Variants in SVEP1 observed in about 807,000 individuals in gnomAD.
SVEP1 encodes the protein sushi, von Willebrand factor type A, EGF and pentraxin domain-containing protein 1.
In SVEP1, 164 loss-of-function variants were observed where a neutral mutation model predicts 367.3. That is an observed-to-expected ratio of 0.45 (90% CI 0.39 to 0.51). The LOEUF (loss-of-function observed/expected upper bound fraction) is 0.51, where lower values mean the gene tolerates loss of function less well. Among genes scored for constraint, SVEP1 ranks in the 20% least tolerant of loss-of-function variants. The pLI is 0.00. For synonymous variants in SVEP1, 1,666 were observed against 1,611.6 expected (o/e 1.03, Z -0.81); for missense variants, 4,117 against 4,425.3 (o/e 0.93, Z 1.98).
At chr9:110,485,540 C>T (rs2118714198) in intron 9 of SVEP1, among the ~76,000 whole-genome samples, 1 of 152,170 alleles carries the variant, frequency 6.6e-6, no homozygotes, top group East Asian at 1.9e-4. Context: ...ACACATTTAC[C>T]TATGTAACAA....
At chr9:110,480,754 C>T (rs1423365421) in intron 12 of SVEP1, among the ~76,000 whole-genome samples, 1 of 151,932 alleles carries the variant, frequency 6.6e-6, no homozygotes, top group Non-Finnish European at 1.5e-5. Context: ...AACTTAGCCT[C>T]CTAAATAACT....
At chr9:110,519,874 T>A (rs1307050130) in intron 3 of SVEP1, among the ~76,000 whole-genome samples, 1 of 152,178 alleles carries the variant, frequency 6.6e-6, no homozygotes, top group Non-Finnish European at 1.5e-5. Flanking sequence ...GACTTTTTTT[T>A]TCTTTCACTA....
intron 40 of SVEP1, among the ~76,000 whole-genome samples, chr9:110,398,745 T>A (rs1456830354): frequency 6.6e-6 from 1 of 152,044 alleles, no homozygotes; most frequent in Admixed American, 6.6e-5. Context: ...CATGAAAAAA[T>A]GCTCATCATC....
intron 1 of SVEP1, among the ~76,000 whole-genome samples, chr9:110,561,135 C>G (rs1830421303): frequency 1.3e-5 from 2 of 152,248 alleles, no homozygotes; most frequent in South Asian, 4.1e-4. Context: ...TTTAGCTACA[C>G]CAATCCATTT....
At chr9:110,458,820 A>AGAAG in intron 19 of SVEP1, 132 bp downstream of exon 19, 2 of 1,147,890 alleles carry the variant, frequency 1.7e-6, no homozygotes, top group East Asian at 5.0e-5. Flanking sequence ...AAAATACCTC[A>AGAAG]GAAGGACAAT....
chr9:110,501,385 A>G (rs1829525977), intron 6 of SVEP1, among the ~76,000 whole-genome samples: 1 of 141,100 alleles, frequency 7.1e-6, no homozygotes, highest in Non-Finnish European at 1.6e-5. Flanking sequence ...TCTGTTTATC[A>G]TTGTATATAG....
chr9:110,567,082 A>G (rs899897673), intron 1 of SVEP1, among the ~76,000 whole-genome samples: 2 of 152,250 alleles, frequency 1.3e-5, no homozygotes, highest in Non-Finnish European at 2.9e-5. Flanking sequence ...CAACAGAAAC[A>G]TTCAGGAAAA....
intron 3 of SVEP1, among the ~76,000 whole-genome samples, chr9:110,534,973 G>A (rs923823758): frequency 4.6e-5 from 7 of 152,176 alleles, no homozygotes; most frequent in African/African-American, 1.7e-4. Context: ...TAGGCTGTCT[G>A]TTTAGTCTGT....
chr9:110,459,889 C>T (rs1433750137), intron 18 of SVEP1, among the ~76,000 whole-genome samples: 1 of 151,782 alleles, frequency 6.6e-6, no homozygotes, highest in Non-Finnish European at 1.5e-5. Context: ...TTTATTTCTC[C>T]TGAATAGTCT....
At chr9:110,543,017 C>T (rs555126916) in intron 3 of SVEP1, among the ~76,000 whole-genome samples, 3 of 150,388 alleles carry the variant, frequency 2.0e-5, no homozygotes, top group Admixed American at 6.6e-5. Flanking sequence ...AAGGGGCTCA[C>T]TGCTTCCAGA....
intron 18 of SVEP1, among the ~76,000 whole-genome samples, chr9:110,462,580 T>A (rs1828873366): frequency 1.3e-5 from 2 of 150,296 alleles, no homozygotes; most frequent in Admixed American, 6.7e-5. Flanking sequence ...CACACACACA[T>A]AAATACGCAA....
intron 1 of SVEP1, among the ~76,000 whole-genome samples, chr9:110,550,504 A>G (rs977872698): frequency 4.6e-5 from 7 of 151,238 alleles, no homozygotes; most frequent in Non-Finnish European, 1.0e-4. Context: ...CTATCTATCT[A>G]TCTATCTATC....
intron 36 of SVEP1, among the ~76,000 whole-genome samples, chr9:110,417,158 T>G (rs1828136964): frequency 6.6e-6 from 1 of 151,200 alleles, no homozygotes; most frequent in African/African-American, 2.4e-5. Flanking sequence ...GCTCCCAGCG[T>G]GAGCGACGCA....
intron 3 of SVEP1, among the ~76,000 whole-genome samples, chr9:110,529,179 T>C (rs1248258799): frequency 6.6e-6 from 1 of 152,046 alleles, no homozygotes; most frequent in Non-Finnish European, 1.5e-5. Flanking sequence ...TGAACATCAG[T>C]TGGTTGTATT....
intron 6 of SVEP1, among the ~76,000 whole-genome samples, chr9:110,500,297 A>G (rs1451022472): frequency 6.6e-6 from 1 of 152,208 alleles, no homozygotes. Context: ...TTGTGGTTCG[A>G]CGATAATGAC....
intron 3 of SVEP1, among the ~76,000 whole-genome samples, chr9:110,541,850 T>TAG (rs1446110274): frequency 1.0e-4 from 14 of 139,822 alleles, no homozygotes; most frequent in African/African-American, 3.2e-4. Flanking sequence ...TAGATATCTA[T>TAG]ATATATCTAT....
chr9:110,440,296 C>T (rs1269688272), intron 27 of SVEP1, among the ~76,000 whole-genome samples: 7 of 152,140 alleles, frequency 4.6e-5, no homozygotes, highest in Non-Finnish European at 4.4e-5. Context: ...GGGGATCAGC[C>T]AACCATTCTT....
chr9:110,547,494 G>A (rs149699604), intron 2 of SVEP1, among the ~76,000 whole-genome samples: 70 of 152,314 alleles, frequency 4.6e-4, no homozygotes, highest in African/African-American at 1.5e-3. Flanking sequence ...AGGATCACTT[G>A]AGCCTGGGAG....
intron 3 of SVEP1, among the ~76,000 whole-genome samples, chr9:110,525,776 T>A (rs1829932707): frequency 6.6e-6 from 1 of 152,106 alleles, no homozygotes; most frequent in East Asian, 1.9e-4. Context: ...TTTTTTTTTT[T>A]ACTTTTTTAA....
Sources: allele counts gnomAD v4.1 joint callset (sites outside exome capture counted in the v4.1 genomes callset), GRCh38; gene constraint gnomAD v4.1.1; transcripts MANE v1.5; gene names NCBI Gene and HGNC (gene_info 2026-07-23, HGNC 2026-07-21).